The following ADGRV1 variants were observed in gnomAD, a reference collection of about 807,000 sequenced individuals.
ADGRV1 encodes the protein G-protein coupled receptor 98.
In ADGRV1, 359 loss-of-function variants were observed where a neutral mutation model predicts 596.2. The observed-to-expected ratio is 0.60, with a 90% confidence interval of 0.55 to 0.66. ADGRV1 has a LOEUF of 0.66. Among genes scored for constraint, ADGRV1 ranks in the 30% least tolerant of loss-of-function variants. ADGRV1 has a pLI of 0.00. For missense variants in ADGRV1, 7,274 were observed against 7,575.6 expected (o/e 0.96, Z 1.48); for synonymous variants, 2,681 against 2,679.2 (o/e 1.00, Z -0.02).
chr5:90,805,712 A>G lies in ADGRV1; in HGVS notation c.14836+254A>G, dbSNP rs73772500. The stretch of plus-strand genomic sequence containing the variant: ...AAGCAAACTACTCTGTCCATACAAT[A>G]GGAGTTTGTTGAAAGTAGTTCTAAG... On this transcript the variant is annotated intron_variant, in intron 72 of 89. Coordinates refer to ENST00000405460, the MANE Select transcript of ADGRV1 (RefSeq NM_032119.4). 7.4e-3 allele frequency among the ~76,000 whole-genome samples: 1,122 copies of G among 152,306 alleles called. 16 individuals carry two copies. The highest frequency in any genetic ancestry group is 0.02 in the African/African-American group (821 of 41,564).
intron 63 of ADGRV1, 81 bp from the exon 64 acceptor site, chr5:90,778,784 G>A: frequency 8.2e-7 from 1 of 1,212,552 alleles, no homozygotes; most frequent in Non-Finnish European, 1.2e-6. Flanking sequence ...CACAATCCTG[G>A]TAAATAGAAC....
chr5:91,032,193 G>A lies in ADGRV1; in HGVS notation c.18153-40254G>A, dbSNP rs933448331. Among the ~76,000 whole-genome samples the A allele has an allele frequency of 5.3e-5, 8 of 152,216 alleles. No individual in the cohort carries two copies. In the East Asian group the frequency reaches 1.3e-3, roughly 26 times the overall value. On this transcript the variant is annotated intron_variant, in intron 85 of 89. Transcript: ENST00000405460. ...AAGGCCCTAAGGCGGGAGCAAGCTG[G>A]GCATGTCTGGGGATTGCAAAGAGGC...
At chr5:90,716,344 C>A in intron 42 of ADGRV1, 123 bp from the exon 43 acceptor site, 1 of 531,520 alleles carries the variant, frequency 1.9e-6, no homozygotes, top group Non-Finnish European at 3.1e-6. Flanking sequence ...TTTTTAAGAT[C>A]ATCTTAAGAC....
intron 79 of ADGRV1, among the ~76,000 whole-genome samples, chr5:90,852,864 T>A (rs1360534085): frequency 6.6e-6 from 1 of 152,160 alleles, no homozygotes; most frequent in Non-Finnish European, 1.5e-5. Context: ...CCTGGATATA[T>A]AAGGTTTATG....
At position 90,618,092 on chromosome 5, in the gene ADGRV1, C is replaced by T. The variant is rs966387791; in HGVS notation, c.357+139C>T. 4 of 553,752 alleles carry T rather than the reference C, an allele frequency of 7.2e-6. No individual in the cohort carries two copies. The South Asian group carries it at 1.2e-4, about 16-fold the overall frequency. The allele number at this position is 553,752 out of a possible 1,614,324, so 34.3% of individuals were successfully genotyped here. A position where few individuals can be genotyped will look rare whatever the true frequency, so the allele number is the denominator to read the frequency against. On this transcript the variant is annotated intron_variant, in intron 3 of 89. Transcript: ENST00000405460. ...GTGGTGGTATTCATAGAATCCAGAA[C>T]TGACAACCTCTTCAGCGCTTCCACA...
At chr5:91,042,458 T>C (rs1785443126) in intron 85 of ADGRV1, among the ~76,000 whole-genome samples, 1 of 152,212 alleles carries the variant, frequency 6.6e-6, no homozygotes, top group African/African-American at 2.4e-5. Context: ...AAGCAGGATA[T>C]GTTCAAGGTT....
At chr5:90,652,682 T>C (rs1445376904) in intron 19 of ADGRV1, 119 bp downstream of exon 19, 1 of 624,592 alleles carries the variant, frequency 1.6e-6, no homozygotes, top group Non-Finnish European at 2.7e-6. Flanking sequence ...ATTTGTGTCA[T>C]GACTATCTGA....
intron 87 of ADGRV1, among the ~76,000 whole-genome samples, chr5:91,127,080 C>T (rs187427510): frequency 1.2e-4 from 18 of 152,198 alleles, no homozygotes; most frequent in East Asian, 3.9e-4. Context: ...AGCACCTTTG[C>T]GCTTGCTGGT....
intron 42 of ADGRV1, 102 bp downstream of exon 42, chr5:90,712,530 G>A: frequency 2.3e-6 from 2 of 871,974 alleles, no homozygotes; most frequent in Non-Finnish European, 3.5e-6. Context: ...GGTTTTCTGT[G>A]CTTAAAATGA....
At chr5:90,854,665 A>G (rs1008054139) in intron 81 of ADGRV1, among the ~76,000 whole-genome samples, 2 of 152,176 alleles carry the variant, frequency 1.3e-5, no homozygotes, top group Admixed American at 6.6e-5. Flanking sequence ...AATGGGAAGG[A>G]AAGAATGATT....
chr5:90,881,723 A>G (rs1384154907), intron 83 of ADGRV1, among the ~76,000 whole-genome samples: 1 of 152,122 alleles, frequency 6.6e-6, no homozygotes, highest in Non-Finnish European at 1.5e-5. Context: ...CAAGTATGCA[A>G]TGTGGGACTT....
At chr5:90,579,219 C>T (rs1580333272) in intron 1 of ADGRV1, among the ~76,000 whole-genome samples, 1 of 152,082 alleles carries the variant, frequency 6.6e-6, no homozygotes. Flanking sequence ...TTTAGATCTT[C>T]CCTGCTTTCT....
At chr5:90,777,145 G>A (rs1356392105) in intron 61 of ADGRV1, among the ~76,000 whole-genome samples, 1 of 152,192 alleles carries the variant, frequency 6.6e-6, no homozygotes, top group African/African-American at 2.4e-5. Context: ...AATTATGGCA[G>A]AAGGCGAAAG....
intron 77 of ADGRV1, among the ~76,000 whole-genome samples, chr5:90,838,347 A>G (rs1383859564): frequency 6.6e-6 from 1 of 151,200 alleles, no homozygotes; most frequent in Non-Finnish European, 1.5e-5. Flanking sequence ...CTTAATCCTT[A>G]CCTCACTTGG....
intron 29 of ADGRV1, among the ~76,000 whole-genome samples, chr5:90,686,439 C>T (rs1435946505): frequency 6.6e-6 from 1 of 152,020 alleles, no homozygotes; most frequent in Non-Finnish European, 1.5e-5. Context: ...TGTTCACTTC[C>T]CACCTATGAG....
At chr5:90,720,013 A>G (rs777280581) in intron 43 of ADGRV1, 35 bp from the exon 44 acceptor site, 1 of 1,564,462 alleles carries the variant, frequency 6.4e-7, no homozygotes, top group Non-Finnish European at 8.8e-7. Flanking sequence ...AAAATACTGT[A>G]TTCTAGTAAC....
chr5:90,779,279 T>TA, intron 64 of ADGRV1, 182 bp downstream of exon 64: 1 of 420,534 alleles, frequency 2.4e-6, no homozygotes, highest in South Asian at 6.2e-5. Flanking sequence ...TTTTTTTTTT[T>TA]AATTTTGTTA....
At chr5:91,145,711 G>A (rs913264461) in intron 87 of ADGRV1, among the ~76,000 whole-genome samples, 3 of 151,478 alleles carry the variant, frequency 2.0e-5, no homozygotes, top group African/African-American at 7.3e-5. Flanking sequence ...ATCATGGTTA[G>A]AGCAATTACA....
At chr5:90,989,980 C>T (rs1190833911) in intron 85 of ADGRV1, among the ~76,000 whole-genome samples, 1 of 152,064 alleles carries the variant, frequency 6.6e-6, no homozygotes, top group Non-Finnish European at 1.5e-5. Context: ...CCACACCTGG[C>T]CAATTTTTTG....
Sources: allele counts gnomAD v4.1 joint callset (sites outside exome capture counted in the v4.1 genomes callset), GRCh38; gene constraint gnomAD v4.1.1; transcripts MANE v1.5; gene names NCBI Gene and HGNC (gene_info 2026-07-23, HGNC 2026-07-21).